PLEKHH1: variants seen among roughly 807,000 people sequenced by gnomAD.
PLEKHH1 encodes the protein pleckstrin homology, MyTH4 and FERM domain containing H1.
A neutral mutation model predicts 160.0 loss-of-function variants in PLEKHH1; 104 were observed. That is an observed-to-expected ratio of 0.65 (90% CI 0.55 to 0.76). PLEKHH1 has a LOEUF of 0.76. Among genes scored for constraint, PLEKHH1 ranks in the 30% least tolerant of loss-of-function variants. The probability of loss-of-function intolerance (pLI) is 0.00; values close to 1 mark genes in which losing one functional copy is unlikely to be tolerated. For missense variants in PLEKHH1, 1,427 were observed against 1,724.1 expected, an observed-to-expected ratio of 0.83 and a Z score of 3.05; for synonymous variants, 619 against 678.4, an observed-to-expected ratio of 0.91 and a Z score of 1.36.
Position 67,572,193 on chromosome 14 carries a change from C to T in PLEKHH1, c.1644C>T (p.Cys548=). ...ACTACGCCATCCCCCCGGACGCCTG[C>T]TCACTGGACAGTGACTACTCAGAGC... ...EGDYAIPPDA[C]SLDSDYSEPE... Residue 548 remains cysteine (C), a synonymous_variant, in exon 11 of 29, where the codon TGC becomes TGT. Coordinates refer to ENST00000329153, the MANE Select transcript of PLEKHH1 (RefSeq NM_020715.3). 6.2e-7 allele frequency: 1 copy of T among 1,608,784 alleles called. No homozygotes were observed. The highest frequency in any genetic ancestry group is 1.3e-5 in the African/African-American group (1 of 74,980).
intron 4 of PLEKHH1, among the ~76,000 whole-genome samples, chr14:67,559,316 CCTCA>C (rs1566736695): frequency 6.6e-6 from 1 of 152,162 alleles, no homozygotes; most frequent in African/African-American, 2.4e-5. Flanking sequence ...GATTTCTACT[CCTCA>C]CTATTAACTT....
intron 23 of PLEKHH1, 84 bp from the exon 24 acceptor site, chr14:67,581,985 A>G: frequency 7.4e-7 from 1 of 1,352,380 alleles, no homozygotes; most frequent in Non-Finnish European, 1.0e-6. Context: ...ATCTTTTTGG[A>G]AATAAAGGTA....
At chr14:67,585,887 G>A (rs143579169) in intron 27 of PLEKHH1, 64 bp from the exon 28 acceptor site, 3 of 1,528,198 alleles carry the variant, frequency 2.0e-6, no homozygotes, top group East Asian at 2.2e-5. Context: ...GACAGGGGAT[G>A]CTGGTTCCTA....
intron 28 of PLEKHH1, 100 bp from the exon 29 acceptor site, chr14:67,586,974 A>T: frequency 6.5e-7 from 1 of 1,537,152 alleles, no homozygotes; most frequent in Non-Finnish European, 8.8e-7. Context: ...AGATTAAATA[A>T]ACTGAGGCCC....
At position 67,549,215 on chromosome 14, in the gene PLEKHH1, T is replaced by C. The variant is rs200778678; in HGVS notation, c.127-6610T>C. Among the ~76,000 whole-genome samples the C allele has an allele frequency of 2.6e-5, 4 of 152,104 alleles. No individual in the cohort carries two copies. In the East Asian group the frequency reaches 7.7e-4, roughly 29 times the overall value. ...ATTTGTTTTGGGAGAAGATGCCTTC[T>C]AGGGCTTTTATTCTGTGGGGTGTGT... On this transcript the variant is annotated intron_variant, in intron 2 of 28. Coordinates refer to ENST00000329153, the MANE Select transcript of PLEKHH1 (RefSeq NM_020715.3).
At position 67,562,633 on chromosome 14, in the gene PLEKHH1, G is replaced by T; in HGVS notation, c.1002G>T (p.Gln334His). Residue 334 changes from glutamine to histidine, a missense_variant, in exon 7 of 29, where the codon CAG becomes CAT. By Grantham distance (24) the Gln-to-His change is conservative. This residue lies in a region of PLEKHH1 where 831 missense variants were observed against 929.2 expected (regional missense o/e 0.89). Transcript: ENST00000329153. ...AGTTGGCCAAAAGGCACCACAGCCA[G>T]CCCCAGGTGGGCCATGGGCACTTTG... ...SIQLAKRHHSQPQVGHGHFGR... is the reference protein window; with the variant it reads ...SIQLAKRHHSHPQVGHGHFGR... 1 of 1,613,004 alleles carries T rather than the reference G, an allele frequency of 6.2e-7. No individual in the cohort carries two copies. The highest frequency in any genetic ancestry group is 8.5e-7 in the Non-Finnish European group (1 of 1,179,530).
At position 67,561,799 on chromosome 14, in the gene PLEKHH1, G is replaced by A. The variant is rs549298045; in HGVS notation, c.424-155G>A. Among the ~76,000 whole-genome samples the A allele has an allele frequency of 3.3e-5, 5 of 151,786 alleles. 1 individual carries two copies. Among genetic ancestry groups the A allele is most frequent in the African/African-American group, 1.2e-4 (5 of 41,352 alleles). ...GTGGGAGGATCAGTTGGGCCTGGGA[G>A]GTCAAGGCTGCAGTGAGCCAAAATT... is the stretch of plus-strand genomic sequence containing the variant. On this transcript the variant is annotated intron_variant, in intron 5 of 28. Coordinates refer to ENST00000329153, the MANE Select transcript of PLEKHH1 (RefSeq NM_020715.3).
intron 21 of PLEKHH1, 163 bp from the exon 22 acceptor site, chr14:67,579,558 C>T (rs4902493): frequency 0.26 from 181,072 of 701,054 alleles, 24,586 homozygotes; most frequent in Non-Finnish European, 0.3. Flanking sequence ...GCTCACATCC[C>T]TCATGCACTG....
chr14:67,563,463 C>G (rs902826320), intron 7 of PLEKHH1, among the ~76,000 whole-genome samples: 21 of 151,984 alleles, frequency 1.4e-4, no homozygotes, highest in African/African-American at 3.9e-4. Context: ...GGCAGAGTTT[C>G]ACTCTTACTG....
In PLEKHH1 at chr14:67,587,136, C is replaced by T. The variant is rs765930305; in HGVS notation, c.3996C>T (p.Pro1332=). Residue 1332 remains proline, a synonymous_variant, in exon 29 of 29, where the codon CCC becomes CCT. Transcript: ENST00000329153. ...YMNHCTTTVN[P]PTNPPGACQL... is the part of the protein sequence containing the mutation. The stretch of plus-strand genomic sequence containing the variant: ...ACCATTGCACTACAACTGTGAACCC[C>T]CCCACCAACCCACCCGGAGCCTGCC... 4.0e-5 allele frequency: 64 copies of T among 1,613,858 alleles called. No individual in the cohort carries two copies. Among genetic ancestry groups the T allele is most frequent in the Non-Finnish European group, 4.7e-5 (55 of 1,179,896 alleles).
At chr14:67,563,693 A>G (rs193130754) in intron 7 of PLEKHH1, among the ~76,000 whole-genome samples, 1 of 149,984 alleles carries the variant, frequency 6.7e-6, no homozygotes, top group East Asian at 2.0e-4. Context: ...TGGGCCTCCC[A>G]AAGTGCTGGG....
chr14:67,585,400 G>T, intron 26 of PLEKHH1, 168 bp from the exon 27 acceptor site: 1 of 593,302 alleles, frequency 1.7e-6, no homozygotes. Context: ...AAGCAGCCTT[G>T]TCTATTTCCT....
At chr14:67,571,480 GC>G in intron 9 of PLEKHH1, 1 of 381,368 alleles carries the variant, frequency 2.6e-6, no homozygotes, top group African/African-American at 2.0e-5. Context: ...GTGGCAAGGA[GC>G]GAGGGTCACA....
At chr14:67,586,712 T>G in intron 28 of PLEKHH1, 1 of 855,822 alleles carries the variant, frequency 1.2e-6, no homozygotes, top group South Asian at 1.7e-5. Flanking sequence ...AATCCTAAAG[T>G]TAGAGTTTGC....
chr14:67,575,739 C>A, intron 15 of PLEKHH1, 84 bp from the exon 16 acceptor site: 1 of 1,024,868 alleles, frequency 9.8e-7, no homozygotes. Flanking sequence ...CGATTCCCAG[C>A]TTCACGGAGC....
Position 67,587,334 on chromosome 14 carries a change from C to A in PLEKHH1, c.*99C>A. On this transcript the variant is annotated 3_prime_UTR_variant, in exon 29 of 29. Transcript: ENST00000329153. ...CTACTGTGACGGGTCTAACAGCCCCCGGCTACTCTTGTTCTGTGAAATGTG... is the reference window on the plus strand; with the variant it reads ...CTACTGTGACGGGTCTAACAGCCCCAGGCTACTCTTGTTCTGTGAAATGTG... 7.6e-7 allele frequency: 1 copy of A among 1,314,204 alleles called. No homozygotes were observed. Among genetic ancestry groups the A allele is most frequent in the Non-Finnish European group, 1.1e-6 (1 of 907,874 alleles). The allele number at this position is 1,314,204 out of a possible 1,614,324, so 81.4% of individuals were successfully genotyped here. A position where few individuals can be genotyped will look rare whatever the true frequency, so the allele number is the denominator to read the frequency against.
In PLEKHH1 at chr14:67,577,397, GC is replaced by G; in HGVS notation, c.2560del (p.Leu854SerfsTer49). 1 of 1,583,432 alleles carries G rather than the reference GC, an allele frequency of 6.3e-7. No homozygotes were observed. Among genetic ancestry groups the G allele is most frequent in the Non-Finnish European group, 8.6e-7 (1 of 1,164,548 alleles). ...TLPSEALQTE[A>X]LKLFKSCQLF... ...GCCCTCTGAGGCCTTGCAGACGGAG[GC>G]CCTCAAGCTCTTCAAGGTAAATTGG... is the stretch of plus-strand genomic sequence containing the variant. On this transcript the variant is annotated frameshift_variant, in exon 18 of 29. Coordinates refer to ENST00000329153, the MANE Select transcript of PLEKHH1 (RefSeq NM_020715.3). LOFTEE classifies it high-confidence loss of function.
intron 20 of PLEKHH1, 109 bp from the exon 21 acceptor site, chr14:67,579,025 C>T: frequency 4.0e-6 from 3 of 741,804 alleles, no homozygotes; most frequent in South Asian, 3.2e-5. Context: ...TTTCTCACAA[C>T]CTGCCCCAGC....
At chr14:67,571,930 TGCA>T in intron 10 of PLEKHH1, 28 bp downstream of exon 10, 1 of 1,584,406 alleles carries the variant, frequency 6.3e-7, no homozygotes, top group South Asian at 1.1e-5. Flanking sequence ...AGGGGCAGGG[TGCA>T]GCAGCAAGGA....
Sources: gnomAD v4.1 joint callset for allele counts (sites outside exome capture counted in the v4.1 genomes callset) on GRCh38, gnomAD v4.1.1 for gene constraint, gnomAD v4.1.1 regional missense constraint, MANE v1.5 for transcripts, NCBI Gene and HGNC (gene_info 2026-07-23, HGNC 2026-07-21) for gene names.